The following RBFOX1 variants were observed in gnomAD, a reference collection of about 807,000 sequenced individuals.
RBFOX1 encodes RNA binding protein fox-1 homolog 1.
Under a neutral mutation model 57.7 loss-of-function variants are expected in RBFOX1, and 8 were observed. The ratio of observed to expected loss-of-function variants is 0.14; its 90% CI spans 0.08 to 0.25. The LOEUF is 0.25. RBFOX1 is among the 10% of genes least tolerant of loss of function. The pLI is 1.00. For synonymous variants in RBFOX1, 326 were observed against 222.4 expected (o/e 1.47, Z -4.15); for missense variants, 611 against 548.5 (o/e 1.11, Z -1.14).
At chr16:5,990,937 G>C (rs141052987) in intron 4 of RBFOX1, among the ~76,000 whole-genome samples, 1 of 152,244 alleles carries the variant, frequency 6.6e-6, no homozygotes, top group Non-Finnish European at 1.5e-5. Flanking sequence ...ACACACCACT[G>C]AACTCCAGCC....
chr16:6,900,232 G>C (rs1366818621), intron 3 of RBFOX1, among the ~76,000 whole-genome samples: 1 of 152,120 alleles, frequency 6.6e-6, no homozygotes, highest in Non-Finnish European at 1.5e-5. Context: ...TGCTATTTAA[G>C]CACGTTCAAA....
chr16:5,722,142 A>G (rs139980373), intron 3 of RBFOX1, among the ~76,000 whole-genome samples: 1 of 152,208 alleles, frequency 6.6e-6, no homozygotes, highest in Non-Finnish European at 1.5e-5. Context: ...GTTACAATGG[A>G]TAATATTACC....
In RBFOX1 at chr16:5,468,739, G is replaced by T. The variant is rs145403900; in HGVS notation, c.258+1485G>T. Among the ~76,000 whole-genome samples, 491 of 152,290 alleles carry T rather than the reference G, an allele frequency of 3.2e-3. 8 individuals carry two copies. The highest frequency in any genetic ancestry group is 0.025 in the South Asian group (119 of 4,822). Reference sequence around the variant, plus strand: ...GAAGCAGAAATCCATTCTACAACTTGGATGAATCTTGAACACATTATGCTG... The same window carrying T: ...GAAGCAGAAATCCATTCTACAACTTTGATGAATCTTGAACACATTATGCTG... On this transcript the variant is annotated intron_variant, in intron 2 of 2. Coordinates refer to the RBFOX1 transcript ENST00000585867.
At chr16:5,606,857 T>G (rs2047600951) in intron 3 of RBFOX1, among the ~76,000 whole-genome samples, 1 of 152,052 alleles carries the variant, frequency 6.6e-6, no homozygotes, top group Non-Finnish European at 1.5e-5. Context: ...GGGCATGAAC[T>G]TGGGTCTGTT....
At chr16:6,535,827 C>T (rs2096727534) in intron 2 of RBFOX1, among the ~76,000 whole-genome samples, 1 of 152,202 alleles carries the variant, frequency 6.6e-6, no homozygotes, top group African/African-American at 2.4e-5. Flanking sequence ...AGCTCAGTTT[C>T]TCCCTCTCTG....
intron 2 of RBFOX1, among the ~76,000 whole-genome samples, chr16:5,558,777 A>G (rs1426549318): frequency 6.6e-6 from 1 of 152,158 alleles, no homozygotes; most frequent in East Asian, 1.9e-4. Context: ...AATTCAGATC[A>G]AGGTGTGTAA....
intron 3 of RBFOX1, among the ~76,000 whole-genome samples, chr16:6,851,234 C>G (rs376078609): frequency 6.6e-6 from 1 of 152,214 alleles, no homozygotes; most frequent in East Asian, 1.9e-4. Context: ...GTTTAAAATT[C>G]TAGATATAGA....
chr16:5,692,732 C>G (rs184162585), intron 3 of RBFOX1, among the ~76,000 whole-genome samples: 110 of 152,130 alleles, frequency 7.2e-4, no homozygotes, highest in Non-Finnish European at 1.4e-3. Flanking sequence ...GTTGAGAATT[C>G]AAGCCAGCAA....
At chr16:6,272,821 C>T (rs1179590266) in intron 1 of RBFOX1, among the ~76,000 whole-genome samples, 4 of 152,024 alleles carry the variant, frequency 2.6e-5, no homozygotes. Context: ...GGTGAAAAGG[C>T]AATTCAATAG....
At chr16:7,442,698 T>C (rs1037280837) in intron 4 of RBFOX1, among the ~76,000 whole-genome samples, 1 of 152,064 alleles carries the variant, frequency 6.6e-6, no homozygotes, top group Non-Finnish European at 1.5e-5. Context: ...TCATGAATCT[T>C]TTACGAGGGT....
At chr16:6,240,322 G>T (rs968706736) in intron 1 of RBFOX1, among the ~76,000 whole-genome samples, 2 of 152,100 alleles carry the variant, frequency 1.3e-5, no homozygotes, top group East Asian at 3.9e-4. Flanking sequence ...GGGACTAATT[G>T]TCTCCAAGGT....
chr16:5,978,318 G>C (rs745787818), intron 4 of RBFOX1, among the ~76,000 whole-genome samples: 1 of 151,548 alleles, frequency 6.6e-6, no homozygotes. Flanking sequence ...CATTTCTTAA[G>C]AGATAAAATA....
rs772130205 is a variant in RBFOX1, at chr16:7,628,828, G to C, written c.677-1775G>C. On this transcript the variant is annotated intron_variant, in intron 10 of 15. Transcript: ENST00000550418. ...GGATTTCACCATGTTGGCCAGGCTG[G>C]TCTCGAACTCCTAACCTCAGGTGAT... is the stretch of plus-strand genomic sequence containing the variant. 1.5e-4 allele frequency among the ~76,000 whole-genome samples: 23 copies of C among 152,082 alleles called. 1 individual carries two copies. The highest frequency in any genetic ancestry group is 1.2e-3 in the Admixed American group (19 of 15,270).
chr16:7,548,143 C>T (rs765719792), intron 5 of RBFOX1, among the ~76,000 whole-genome samples: 10 of 151,856 alleles, frequency 6.6e-5, no homozygotes, highest in Admixed American at 2.0e-4. Flanking sequence ...GAGTTATTCA[C>T]GTCATATTCT....
chr16:5,262,778 G>A (rs1396807385), intron 1 of RBFOX1, among the ~76,000 whole-genome samples: 1 of 152,166 alleles, frequency 6.6e-6, no homozygotes, highest in Non-Finnish European at 1.5e-5. Context: ...TGGGGAGTTT[G>A]GATTTCACTG....
intron 1 of RBFOX1, among the ~76,000 whole-genome samples, chr16:6,141,949 C>T (rs1324180138): frequency 6.6e-6 from 1 of 151,516 alleles, no homozygotes; most frequent in Non-Finnish European, 1.5e-5. Context: ...GTCCCAGCTG[C>T]TCGGGAGGCT....
chr16:7,520,693 G>A (rs1322491721), intron 5 of RBFOX1, among the ~76,000 whole-genome samples: 2 of 152,172 alleles, frequency 1.3e-5, no homozygotes, highest in African/African-American at 4.8e-5. Flanking sequence ...TGAGTTTGCT[G>A]GTTCAGCAGG....
chr16:6,648,177 C>T (rs150215188), intron 2 of RBFOX1, among the ~76,000 whole-genome samples: 267 of 152,170 alleles, frequency 1.8e-3, no homozygotes, highest in African/African-American at 6.0e-3. Flanking sequence ...TCCCAAGAAG[C>T]TGGGACCACA....
chr16:7,243,491 T>C (rs1034651316), intron 4 of RBFOX1, among the ~76,000 whole-genome samples: 4 of 152,134 alleles, frequency 2.6e-5, no homozygotes, highest in Admixed American at 1.3e-4. Flanking sequence ...AATTCACATA[T>C]GTTGTGGCTA....
Sources: gnomAD v4.1 joint callset for allele counts (sites outside exome capture counted in the v4.1 genomes callset) on GRCh38, gnomAD v4.1.1 for gene constraint, MANE v1.5 for transcripts, NCBI Gene and HGNC (gene_info 2026-07-23, HGNC 2026-07-21) for gene names.